Variants in TJP1 observed in about 807,000 individuals in gnomAD.
The protein encoded by TJP1 is tight junction protein ZO-1.
Under a neutral mutation model 194.2 loss-of-function variants are expected in TJP1, and 43 were observed. That is an observed-to-expected ratio of 0.22 (90% CI 0.17 to 0.29). The LOEUF (loss-of-function observed/expected upper bound fraction) is 0.29, where lower values mean the gene tolerates loss of function less well. Ranked by LOEUF, TJP1 falls within the 10% of genes least tolerant of loss-of-function variation. The pLI is 1.00. For missense variants in TJP1, 1,971 were observed against 2,185.7 expected (o/e 0.90, Z 1.96); for synonymous variants, 801 against 779.0 (o/e 1.03, Z -0.47).
At chr15:29,807,011 A>G (rs1162378812) in intron 1 of TJP1, among the ~76,000 whole-genome samples, 1 of 152,202 alleles carries the variant, frequency 6.6e-6, no homozygotes, top group Non-Finnish European at 1.5e-5. Flanking sequence ...AATGATCAAA[A>G]TAAGAAGGCA....
Position 29,719,115 on chromosome 15 carries a change from G to A in TJP1, c.3027C>T (p.Pro1009=), listed in dbSNP as rs45562135. The part of the protein sequence containing the change: ...PTKVYRKDPY[P]EEMMRQNHVL... Reference sequence around the variant, plus strand: ...CATGGTTCTGCCTCATCATTTCCTCGGGATATGGATCCTTTCTATACACCT... The same window carrying A: ...CATGGTTCTGCCTCATCATTTCCTCAGGATATGGATCCTTTCTATACACCT... Residue 1009 remains proline (P), a synonymous_variant, in exon 21 of 28, where the codon CCC becomes CCT. Coordinates refer to ENST00000614355, the MANE Select transcript of TJP1 (RefSeq NM_001330239.4). The A allele has an allele frequency of 3.2e-5, 52 of 1,612,744 alleles. No homozygotes were observed. The African/African-American group carries it at 5.2e-4, about 16-fold the overall frequency.
At chr15:29,750,700 G>A (rs906298298) in intron 8 of TJP1, among the ~76,000 whole-genome samples, 5 of 152,076 alleles carry the variant, frequency 3.3e-5, no homozygotes, top group Admixed American at 2.6e-4. Context: ...ATGAAGCGCT[G>A]AACATTCACT....
Position 29,889,003 on chromosome 15 carries a change from T to C in TJP1, c.306+67229A>G, listed in dbSNP as rs539858722. Among the ~76,000 whole-genome samples the C allele has an allele frequency of 2.0e-5, 3 of 152,318 alleles. No homozygotes were observed. In the South Asian group the frequency reaches 6.2e-4, roughly 32 times the overall value. ...ATGTGCTCTGTGGATAGCCAAGGAC[T>C]CCTGCTCCCCAAGACAGAGACGCAA... On this transcript the variant is annotated intron_variant, in intron 2 of 28. Coordinates refer to the TJP1 transcript ENST00000356107.
chr15:29,968,299 A>T (rs956170808), intron 1 of TJP1: 2 of 985,076 alleles, frequency 2.0e-6, no homozygotes, highest in Admixed American at 6.1e-5. Context: ...TCTCCGCGAG[A>T]GCCTGGCTGG....
chr15:29,782,318 C>A (rs1232116637), intron 2 of TJP1, among the ~76,000 whole-genome samples: 1 of 152,078 alleles, frequency 6.6e-6, no homozygotes, highest in Non-Finnish European at 1.5e-5. Flanking sequence ...CTACAGTAAC[C>A]AAACAGCATG....
intron 2 of TJP1, among the ~76,000 whole-genome samples, chr15:29,941,249 CCT>C (rs1237273189): frequency 6.6e-6 from 1 of 152,192 alleles, no homozygotes; most frequent in African/African-American, 2.4e-5. Context: ...CAGAAACTCC[CCT>C]GTTCGCTTCT....
chr15:29,941,530 C>G (rs1449517014), intron 2 of TJP1, among the ~76,000 whole-genome samples: 4 of 152,188 alleles, frequency 2.6e-5, no homozygotes, highest in African/African-American at 7.2e-5. Context: ...GAACCACCAG[C>G]AGTTTCCTTC....
chr15:29,711,734 A>C (rs2042255594), intron 23 of TJP1, among the ~76,000 whole-genome samples: 1 of 152,194 alleles, frequency 6.6e-6, no homozygotes, highest in South Asian at 2.1e-4. Context: ...CAGATGTCAC[A>C]GACTAGGGGT....
rs760208708 is a variant in TJP1 at position 29,968,699 on chromosome 15, G to A, written c.141C>T (p.Arg47=). 19 of 1,160,422 alleles carry A rather than the reference G, an allele frequency of 1.6e-5. No individual in the cohort carries two copies. In the South Asian group the frequency reaches 2.9e-4, roughly 18 times the overall value. 71.9% of individuals were successfully genotyped at this position (1,160,422 alleles called of 1,614,324 possible). A position where few individuals can be genotyped will look rare whatever the true frequency, so the allele number is the denominator to read the frequency against. The stretch of plus-strand genomic sequence containing the variant: ...TCCTCTTGAGCGGCAGGAGGCTGCC[G>A]CGGTTGGAGGGGGTGACGCCGATGG... Residue 47 remains arginine (R), a synonymous_variant, in exon 1 of 29, where the codon CGC becomes CGT. Transcript: ENST00000356107.
intron 2 of TJP1, among the ~76,000 whole-genome samples, chr15:29,847,762 G>A (rs2051474701): frequency 1.3e-5 from 2 of 152,110 alleles, no homozygotes; most frequent in South Asian, 4.1e-4. Context: ...TCCAGCCTGG[G>A]TGACAGAGCT....
At chr15:29,752,486 T>A (rs2045355205) in intron 8 of TJP1, among the ~76,000 whole-genome samples, 1 of 152,154 alleles carries the variant, frequency 6.6e-6, no homozygotes. Flanking sequence ...CTCTTAAGGG[T>A]TAAAATCTAA....
At chr15:29,794,059 G>C (rs2048258961) in intron 2 of TJP1, among the ~76,000 whole-genome samples, 1 of 152,048 alleles carries the variant, frequency 6.6e-6, no homozygotes, top group South Asian at 2.1e-4. Context: ...TTAAATGTTT[G>C]GTAGAGTTCA....
At chr15:29,856,035 A>G (rs1050605827) in intron 2 of TJP1, among the ~76,000 whole-genome samples, 2 of 152,260 alleles carry the variant, frequency 1.3e-5, no homozygotes, top group African/African-American at 4.8e-5. Context: ...GCATTATTTC[A>G]TAAGAGCCAA....
At chr15:29,788,978 T>A (rs969238905) in intron 2 of TJP1, among the ~76,000 whole-genome samples, 4 of 152,202 alleles carry the variant, frequency 2.6e-5, no homozygotes, top group Non-Finnish European at 5.9e-5. Flanking sequence ...CAAAAATGGC[T>A]AGTGTTACCT....
chr15:29,951,034 A>G (rs1167693038), intron 2 of TJP1, among the ~76,000 whole-genome samples: 1 of 152,228 alleles, frequency 6.6e-6, no homozygotes, highest in Non-Finnish European at 1.5e-5. Flanking sequence ...TTGTTAAATA[A>G]GTTAAATTGA....
At chr15:29,813,128 T>G (rs994421467) in intron 1 of TJP1, among the ~76,000 whole-genome samples, 5 of 152,170 alleles carry the variant, frequency 3.3e-5, no homozygotes, top group African/African-American at 1.2e-4. Flanking sequence ...GATTGTGGCT[T>G]TTGGTGGTCT....
intron 2 of TJP1, among the ~76,000 whole-genome samples, chr15:29,797,970 T>C (rs535510493): frequency 2.0e-5 from 3 of 152,318 alleles, no homozygotes; most frequent in Admixed American, 6.5e-5. Flanking sequence ...CCACGTGTGA[T>C]ACCGCTAGAT....
At chr15:29,877,285 C>T (rs372134435) in intron 2 of TJP1, among the ~76,000 whole-genome samples, 14 of 151,612 alleles carry the variant, frequency 9.2e-5, no homozygotes, top group African/African-American at 2.2e-4. Context: ...GGCGTGATCA[C>T]GGCTTACTGC....
At chr15:29,819,486 T>C (rs2050176300) in intron 1 of TJP1, among the ~76,000 whole-genome samples, 1 of 152,204 alleles carries the variant, frequency 6.6e-6, no homozygotes, top group East Asian at 1.9e-4. Flanking sequence ...ATACTGATGA[T>C]CATAATTACT....
Sources: gnomAD v4.1 joint callset for allele counts (sites outside exome capture counted in the v4.1 genomes callset) on GRCh38, gnomAD v4.1.1 for gene constraint, MANE v1.5 for transcripts, NCBI Gene and HGNC (gene_info 2026-07-23, HGNC 2026-07-21) for gene names.